HIVEP2: variants seen among roughly 807,000 people sequenced by gnomAD.
HIVEP2 encodes the protein HIVEP zinc finger 2.
A neutral mutation model predicts 180.7 loss-of-function variants in HIVEP2; 14 were observed. That is an observed-to-expected ratio of 0.08 (90% CI 0.05 to 0.12). The LOEUF (loss-of-function observed/expected upper bound fraction) is 0.12. Among genes scored for constraint, HIVEP2 ranks in the 10% least tolerant of loss-of-function variants. The probability of loss-of-function intolerance (pLI) is 1.00; values close to 1 mark genes in which losing one functional copy is unlikely to be tolerated. For missense variants in HIVEP2, 2,579 were observed against 3,008.5 expected (o/e 0.86, Z 3.34); for synonymous variants, 1,184 against 1,136.4 (o/e 1.04, Z -0.84).
rs1283810888 is a variant in HIVEP2, at chr6:142,893,779, G to A, written c.-641+51320C>T. ...ACCTGTTTCACCTGCATTTTTCGGG[G>A]GGAGGGAAGCCTAATCTCTGCAGCA... On this transcript the variant is annotated intron_variant, in intron 1 of 9. Coordinates refer to ENST00000367603, the MANE Select transcript of HIVEP2 (RefSeq NM_006734.4). Among the ~76,000 whole-genome samples, 4 of 152,116 alleles carry A rather than the reference G, an allele frequency of 2.6e-5. No individual in the cohort carries two copies. In the East Asian group the frequency reaches 7.7e-4, roughly 29 times the overall value.
intron 9 of HIVEP2, among the ~76,000 whole-genome samples, chr6:142,755,239 G>A (rs544402408): frequency 3.9e-5 from 6 of 152,324 alleles, no homozygotes; most frequent in South Asian, 4.1e-4. Context: ...GAAAGTGTGA[G>A]TGAAACGGTG....
At chr6:142,843,516 G>A (rs892231195) in intron 1 of HIVEP2, among the ~76,000 whole-genome samples, 7 of 152,304 alleles carry the variant, frequency 4.6e-5, no homozygotes, top group African/African-American at 1.4e-4. Flanking sequence ...AAGGGAAGGG[G>A]TGGATGTAGA....
intron 1 of HIVEP2, among the ~76,000 whole-genome samples, chr6:142,938,206 G>A (rs775220747): frequency 6.6e-6 from 1 of 151,994 alleles, no homozygotes; most frequent in Non-Finnish European, 1.5e-5. Context: ...TAGATCTTGC[G>A]TCCCTCCCAC....
chr6:142,898,427 C>T (rs1270493627), intron 1 of HIVEP2, among the ~76,000 whole-genome samples: 4 of 152,046 alleles, frequency 2.6e-5, no homozygotes, highest in Admixed American at 6.5e-5. Flanking sequence ...TTTGGGAGGC[C>T]GAGGCGGGCA....
intron 2 of HIVEP2, chr6:142,794,029 G>C (rs1016156488): frequency 6.6e-6 from 1 of 152,046 alleles, no homozygotes; most frequent in Non-Finnish European, 1.5e-5. Flanking sequence ...AATTTATCTG[G>C]ACTCAAAATC....
intron 1 of HIVEP2, among the ~76,000 whole-genome samples, chr6:142,924,376 T>C (rs941798010): frequency 6.6e-6 from 1 of 152,206 alleles, no homozygotes; most frequent in Non-Finnish European, 1.5e-5. Context: ...GTTCTAGGCA[T>C]TAGGCATTCA....
Position 142,943,575 on chromosome 6 carries a change from G to GA in HIVEP2, c.-641+1523dup, listed in dbSNP as rs2128442153. On this transcript the variant is annotated intron_variant, in intron 1 of 9. Coordinates refer to ENST00000367603, the MANE Select transcript of HIVEP2 (RefSeq NM_006734.4). This position sits in a 1 kb window ranked among gnomAD's most constrained non-coding sequence, Gnocchi z 4.5. The stretch of plus-strand genomic sequence containing the variant: ...CTTGACTAGGGCTCTGGGTATGCTA[G>GA]AAAAACACAGATCTCTTGTGAATTA... 6.6e-6 allele frequency among the ~76,000 whole-genome samples: 1 copy of GA among 152,268 alleles called. No individual in the cohort carries two copies. The highest frequency in any genetic ancestry group is 1.9e-4 in the East Asian group (1 of 5,192).
rs1582949612 is a variant in HIVEP2, at chr6:142,896,899, T to A, written c.-641+48200A>T. Among the ~76,000 whole-genome samples, 3 of 152,294 alleles carry A rather than the reference T, an allele frequency of 2.0e-5. No homozygotes were observed. In the South Asian group the frequency reaches 6.2e-4, roughly 32 times the overall value. On this transcript the variant is annotated intron_variant, in intron 1 of 9. Coordinates refer to ENST00000367603, the MANE Select transcript of HIVEP2 (RefSeq NM_006734.4). ...ATGATGCAGAAATGCTTTCTGGGTCTTACCTCTTATTCTATCATCTCACTC... is the reference window on the plus strand; with the variant it reads ...ATGATGCAGAAATGCTTTCTGGGTCATACCTCTTATTCTATCATCTCACTC...
At chr6:142,832,425 T>C (rs531191310) in intron 2 of HIVEP2, among the ~76,000 whole-genome samples, 1 of 152,192 alleles carries the variant, frequency 6.6e-6, no homozygotes, top group East Asian at 1.9e-4. Flanking sequence ...AAAAGTGGCA[T>C]GAGAGAAGTA....
rs1199920711 is a variant in HIVEP2, at chr6:142,753,345, C to A, written c.7103G>T (p.Ser2368Ile). 5 of 1,614,042 alleles carry A rather than the reference C, an allele frequency of 3.1e-6. No individual in the cohort carries two copies. Among genetic ancestry groups the A allele is most frequent in the Non-Finnish European group, 4.2e-6 (5 of 1,180,042 alleles). Residue 2368 changes from serine (S) to isoleucine (I), a missense_variant, in exon 10 of 10, where the codon AGC (serine) becomes ATC (isoleucine). By Grantham distance (142) the Ser-to-Ile change is moderately radical. Coordinates refer to ENST00000367603, the MANE Select transcript of HIVEP2 (RefSeq NM_006734.4). The stretch of plus-strand genomic sequence containing the variant: ...CTCAGGTCTACTAAAGTGTCTAATG[C>A]TAACATGTGCACTTCCCAGGGGGTT... ...HQNPLGSAHV[S>I]IRHFSRPEPG...
At chr6:142,839,049 A>G (rs17072049) in intron 1 of HIVEP2, among the ~76,000 whole-genome samples, 2,822 of 152,226 alleles carry the variant, frequency 0.019, 97 homozygotes, top group African/African-American at 0.063. Flanking sequence ...TCAAAGTTCA[A>G]AAGCACTAAG....
intron 6 of HIVEP2, among the ~76,000 whole-genome samples, chr6:142,766,827 C>T (rs1484775232): frequency 6.6e-6 from 1 of 152,028 alleles, no homozygotes; most frequent in East Asian, 1.9e-4. Context: ...TATTATTAAA[C>T]CTATCAGTTA....
chr6:142,836,246 T>C (rs1162750755), intron 2 of HIVEP2, among the ~76,000 whole-genome samples: 1 of 152,150 alleles, frequency 6.6e-6, no homozygotes, highest in Non-Finnish European at 1.5e-5. Context: ...ATCAGTATCA[T>C]ATAAATTTCT....
At chr6:142,862,798 T>C (rs1175098067) in intron 1 of HIVEP2, among the ~76,000 whole-genome samples, 4 of 134,830 alleles carry the variant, frequency 3.0e-5, no homozygotes, top group African/African-American at 1.1e-4. Flanking sequence ...ACATATAATA[T>C]ATTTAGATAT....
chr6:142,779,447 C>G (rs1172579429), intron 3 of HIVEP2: 1 of 152,218 alleles, frequency 6.6e-6, no homozygotes, highest in Non-Finnish European at 1.5e-5. Flanking sequence ...TGGCAAAACA[C>G]CGTCTCTACA....
rs1582984702 is a variant in HIVEP2 at position 142,945,047 on chromosome 6, G to A, written c.-641+52C>T. Reference sequence around the variant, plus strand: ...AGGCCGGCGGCCCGGGCCTCGCGCCGCCAGCCCGCCCGGCCGCCTGCGCCG... The same window carrying A: ...AGGCCGGCGGCCCGGGCCTCGCGCCACCAGCCCGCCCGGCCGCCTGCGCCG... On this transcript the variant is annotated intron_variant, in intron 1 of 9. Coordinates refer to ENST00000367603, the MANE Select transcript of HIVEP2 (RefSeq NM_006734.4). This position sits in a 1 kb window ranked among gnomAD's most constrained non-coding sequence, Gnocchi z 5.5. 6.8e-6 allele frequency: 1 copy of A among 146,474 alleles called. No homozygotes were observed. Among genetic ancestry groups the A allele is most frequent in the African/African-American group, 2.4e-5 (1 of 40,970 alleles). The allele number at this position is 146,474 out of a possible 1,614,324, so 9.1% of individuals were successfully genotyped here. A position where few individuals can be genotyped will look rare whatever the true frequency, so the allele number is the denominator to read the frequency against.
At chr6:142,851,238 G>A (rs1024796113) in intron 1 of HIVEP2, among the ~76,000 whole-genome samples, 4 of 152,186 alleles carry the variant, frequency 2.6e-5, no homozygotes, top group African/African-American at 7.2e-5. Flanking sequence ...CAAGAGTGGG[G>A]TCCACCTGCT....
chr6:142,937,678 T>C (rs1398323596), intron 1 of HIVEP2, among the ~76,000 whole-genome samples: 1 of 152,182 alleles, frequency 6.6e-6, no homozygotes, highest in Non-Finnish European at 1.5e-5. Flanking sequence ...GTGTAAACAA[T>C]TGCTTATACT....
intron 1 of HIVEP2, among the ~76,000 whole-genome samples, chr6:142,884,757 A>ATGCT (rs1776654783): frequency 6.6e-6 from 1 of 152,196 alleles, no homozygotes; most frequent in African/African-American, 2.4e-5. Flanking sequence ...GTAGCTGCTG[A>ATGCT]TGCTAGTGAC....
Sources: gnomAD v4.1 joint callset for allele counts (sites outside exome capture counted in the v4.1 genomes callset) on GRCh38, gnomAD v4.1.1 for gene constraint, Gnocchi (gnomAD v3.1) non-coding constraint, MANE v1.5 for transcripts, NCBI Gene and HGNC (gene_info 2026-07-23, HGNC 2026-07-21) for gene names.